KCNT2: variants seen among roughly 807,000 people sequenced by gnomAD.
KCNT2 encodes potassium sodium-activated channel subfamily T member 2.
KCNT2 carries 67 observed loss-of-function variants against 153.8 expected under a neutral mutation model. The observed-to-expected ratio is 0.44, with a 90% CI of 0.36 to 0.53. The LOEUF is 0.53. KCNT2 is among the 20% of genes least tolerant of loss of function. KCNT2 has a pLI of 0.00. For missense variants in KCNT2, 975 were observed against 1,354.8 expected, an observed-to-expected ratio of 0.72 and a Z score of 4.40; for synonymous variants, 500 against 458.8, an observed-to-expected ratio of 1.09 and a Z score of -1.15.
chr1:196,497,496 C>T (rs1462641502), intron 1 of KCNT2, among the ~76,000 whole-genome samples: 2 of 151,984 alleles, frequency 1.3e-5, no homozygotes, highest in East Asian at 3.9e-4. Flanking sequence ...ATAATGGAGG[C>T]TGTACATAGA....
intron 14 of KCNT2, among the ~76,000 whole-genome samples, chr1:196,350,583 A>G (rs554311227): frequency 1.7e-3 from 259 of 152,084 alleles, no homozygotes; most frequent in Non-Finnish European, 2.7e-3. Flanking sequence ...GTTTGAGTTC[A>G]TTGTAGATTC....
At chr1:196,557,846 A>T (rs1658883335) in intron 1 of KCNT2, among the ~76,000 whole-genome samples, 3 of 151,402 alleles carry the variant, frequency 2.0e-5, no homozygotes, top group African/African-American at 7.3e-5. Context: ...CTTTTAAATT[A>T]AAAAGAAATT....
In KCNT2 at chr1:196,343,631, T is replaced by C. The variant is rs187872723; in HGVS notation, c.1404-1403A>G. 2.8e-3 allele frequency among the ~76,000 whole-genome samples: 420 copies of C among 152,242 alleles called. 3 individuals are homozygous for C. Among genetic ancestry groups the C allele is most frequent in the African/African-American group, 9.8e-3 (406 of 41,552 alleles). On this transcript the variant is annotated intron_variant, in intron 14 of 27. Coordinates refer to ENST00000294725, the MANE Select transcript of KCNT2 (RefSeq NM_198503.5). Reference sequence around the variant, plus strand: ...AATTGTCAATAAGCTTTAAAAAATATCTATATTTTCTAAGTATGCCTCATT... The same window carrying C: ...AATTGTCAATAAGCTTTAAAAAATACCTATATTTTCTAAGTATGCCTCATT...
intron 1 of KCNT2, among the ~76,000 whole-genome samples, chr1:196,564,384 A>G (rs4314834): frequency 0.84 from 127,632 of 151,836 alleles, 57,819 homozygotes; most frequent in Non-Finnish European, 1. Context: ...TTGCATGTTC[A>G]TGGAATATAA....
chr1:196,384,765 C>T (rs1051434467), intron 13 of KCNT2, among the ~76,000 whole-genome samples: 23 of 145,084 alleles, frequency 1.6e-4, no homozygotes, highest in African/African-American at 5.9e-4. Context: ...TTACTCTGGA[C>T]AAAATTATTT....
chr1:196,433,891 G>A (rs1674381917), intron 8 of KCNT2, among the ~76,000 whole-genome samples: 1 of 152,020 alleles, frequency 6.6e-6, no homozygotes, highest in South Asian at 2.1e-4. Flanking sequence ...GGTATCAAGA[G>A]ACAGAAGAGA....
rs191351676 is a variant in KCNT2, at chr1:196,534,452, G to A, written c.96-42111C>T. Among the ~76,000 whole-genome samples, 387 of 152,252 alleles carry A rather than the reference G, an allele frequency of 2.5e-3. 1 individual carries two copies. The highest frequency in any genetic ancestry group is 9.0e-3 in the African/African-American group (372 of 41,556). ...TATTATTAACATAGTATTTGCTAGA[G>A]TTGGGGAGACTAATTACTTGAGCTG... is the stretch of plus-strand genomic sequence containing the variant. On this transcript the variant is annotated intron_variant, in intron 1 of 27. Transcript: ENST00000294725.
intron 24 of KCNT2, among the ~76,000 whole-genome samples, chr1:196,281,448 C>A (rs189346480): frequency 2.6e-5 from 4 of 152,086 alleles, no homozygotes; most frequent in African/African-American, 7.2e-5. Flanking sequence ...GCTGATGTTA[C>A]CAAATGCGAA....
In KCNT2 at chr1:196,519,484, T is replaced by C. The variant is rs558496511; in HGVS notation, c.96-27143A>G. 4.0e-5 allele frequency among the ~76,000 whole-genome samples: 6 copies of C among 151,498 alleles called. No homozygotes were observed. The East Asian group carries it at 9.7e-4, about 25-fold the overall frequency. ...AAGAGATTGAGACAAGAAAAACAAATAAAAAAATCACTGAATCTGGGGGTT... is the reference window on the plus strand; with the variant it reads ...AAGAGATTGAGACAAGAAAAACAAACAAAAAAATCACTGAATCTGGGGGTT... On this transcript the variant is annotated intron_variant, in intron 1 of 27. Transcript: ENST00000294725.
chr1:196,500,408 T>C (rs903140923), intron 1 of KCNT2, among the ~76,000 whole-genome samples: 2 of 152,174 alleles, frequency 1.3e-5, no homozygotes, highest in Admixed American at 1.3e-4. Flanking sequence ...AGTTGGAACA[T>C]TGGTCTTTCT....
At chr1:196,385,522 T>C (rs1272423811) in intron 13 of KCNT2, among the ~76,000 whole-genome samples, 3 of 151,718 alleles carry the variant, frequency 2.0e-5, no homozygotes, top group African/African-American at 4.8e-5. Context: ...ATATAAAAAA[T>C]CCCTATAACT....
intron 1 of KCNT2, among the ~76,000 whole-genome samples, chr1:196,560,150 A>G (rs571570488): frequency 6.6e-6 from 1 of 152,062 alleles, no homozygotes; most frequent in African/African-American, 2.4e-5. Flanking sequence ...GGCATAAAGC[A>G]ATAGTGAACA....
intron 1 of KCNT2, among the ~76,000 whole-genome samples, chr1:196,570,083 A>T (rs1190361165): frequency 1.7e-4 from 2 of 11,842 alleles, no homozygotes; most frequent in Non-Finnish European, 3.2e-3. Flanking sequence ...AAAAAAAAAA[A>T]AAAAAAAAAA....
intron 26 of KCNT2, among the ~76,000 whole-genome samples, chr1:196,256,863 T>G (rs1656562239): frequency 6.6e-6 from 1 of 151,978 alleles, no homozygotes; most frequent in Admixed American, 6.6e-5. Flanking sequence ...GTTATAATCC[T>G]TTTAAGAATA....
At chr1:196,245,658 A>G (rs1177501282) in intron 26 of KCNT2, among the ~76,000 whole-genome samples, 1 of 152,226 alleles carries the variant, frequency 6.6e-6, no homozygotes, top group Non-Finnish European at 1.5e-5. Context: ...AAAAAAATTA[A>G]CAAAGAGGTT....
intron 1 of KCNT2, among the ~76,000 whole-genome samples, chr1:196,590,567 C>T (rs946582815): frequency 2.0e-5 from 3 of 152,116 alleles, no homozygotes; most frequent in Admixed American, 6.5e-5. Flanking sequence ...CTTCACTGCC[C>T]TTCCAGATAA....
At chr1:196,488,217 A>T (rs1447921072) in intron 3 of KCNT2, among the ~76,000 whole-genome samples, 1 of 152,004 alleles carries the variant, frequency 6.6e-6, no homozygotes, top group Non-Finnish European at 1.5e-5. Context: ...TTATCATGTC[A>T]GAAGCTCTAA....
chr1:196,236,809 G>A (rs1361118682), intron 26 of KCNT2, among the ~76,000 whole-genome samples: 1 of 151,370 alleles, frequency 6.6e-6, no homozygotes, highest in East Asian at 1.9e-4. Context: ...ATAGGACATT[G>A]AAAAAAATAA....
intron 1 of KCNT2, among the ~76,000 whole-genome samples, chr1:196,565,391 A>G (rs1659983466): frequency 6.6e-6 from 1 of 151,650 alleles, no homozygotes; most frequent in Non-Finnish European, 1.5e-5. Context: ...GAGATACTTC[A>G]AAAAAATAAA....
Sources: gnomAD v4.1 joint callset for allele counts (sites outside exome capture counted in the v4.1 genomes callset) on GRCh38, gnomAD v4.1.1 for gene constraint, MANE v1.5 for transcripts, NCBI Gene and HGNC (gene_info 2026-07-23, HGNC 2026-07-21) for gene names.